The following SMC5 variants were observed in gnomAD, a reference collection of about 807,000 sequenced individuals.
SMC5 encodes the protein structural maintenance of chromosomes protein 5.
Under a neutral mutation model 148.3 loss-of-function variants are expected in SMC5, and 88 were observed. The ratio of observed to expected loss-of-function variants is 0.59; its 90% CI spans 0.50 to 0.71. The LOEUF is 0.71. SMC5 is among the 30% of genes least tolerant of loss of function. The pLI, the probability that SMC5 is intolerant of heterozygous loss-of-function variation, is 0.00. For synonymous variants in SMC5, 421 were observed against 432.8 expected (o/e 0.97, Z 0.34); for missense variants, 1,142 against 1,298.9 (o/e 0.88, Z 1.86).
chr9:70,286,310 T>A, intron 8 of SMC5, 39 bp downstream of exon 8: 1 of 1,327,504 alleles, frequency 7.5e-7, no homozygotes, highest in Non-Finnish European at 1.1e-6. Context: ...CATTAAAGTT[T>A]GCTCTAACTT....
intron 3 of SMC5, among the ~76,000 whole-genome samples, chr9:70,276,489 A>G (rs1032016190): frequency 3.9e-4 from 60 of 152,148 alleles, no homozygotes; most frequent in African/African-American, 1.1e-3. Flanking sequence ...AGGGTACTTT[A>G]TTAGTCGTTC....
intron 3 of SMC5, among the ~76,000 whole-genome samples, chr9:70,272,168 G>A (rs1231340589): frequency 6.6e-6 from 1 of 152,286 alleles, no homozygotes; most frequent in East Asian, 1.9e-4. Context: ...CAAGATATCA[G>A]GGAGGACTCC....
At chr9:70,262,769 G>A (rs931865984) in intron 1 of SMC5, among the ~76,000 whole-genome samples, 8 of 152,202 alleles carry the variant, frequency 5.3e-5, no homozygotes, top group South Asian at 2.1e-4. Context: ...GAGATACCTC[G>A]TGAAGTATAT....
At chr9:70,293,721 C>T (rs753525822) in intron 8 of SMC5, among the ~76,000 whole-genome samples, 7 of 152,074 alleles carry the variant, frequency 4.6e-5, no homozygotes, top group Non-Finnish European at 7.4e-5. Flanking sequence ...TGGTATTAGA[C>T]ATTTAGACTA....
chr9:70,259,321 G>T (rs1014024818), intron 1 of SMC5, 58 bp downstream of exon 1: 16 of 1,484,922 alleles, frequency 1.1e-5, no homozygotes, highest in Middle Eastern at 2.3e-4. Flanking sequence ...GCAGGCCCCG[G>T]GGCTCCGGCA....
At chr9:70,270,787 C>T (rs1431725893) in intron 3 of SMC5, among the ~76,000 whole-genome samples, 1 of 151,082 alleles carries the variant, frequency 6.6e-6, no homozygotes, top group African/African-American at 2.4e-5. Context: ...GCTGGTATTA[C>T]AAGCACCCAC....
At chr9:70,302,223 G>A (rs2035377541) in intron 10 of SMC5, among the ~76,000 whole-genome samples, 1 of 152,054 alleles carries the variant, frequency 6.6e-6, no homozygotes, top group Admixed American at 6.6e-5. Flanking sequence ...AAAATAGGTT[G>A]GGCACGGTGG....
At chr9:70,268,187 G>A (rs1390847271) in intron 3 of SMC5, among the ~76,000 whole-genome samples, 5 of 152,190 alleles carry the variant, frequency 3.3e-5, no homozygotes, top group East Asian at 1.9e-4. Flanking sequence ...GCTCATGCCT[G>A]TAATCTGAGC....
chr9:70,307,000 T>C (rs571929388), intron 11 of SMC5, among the ~76,000 whole-genome samples: 1 of 152,354 alleles, frequency 6.6e-6, no homozygotes, highest in African/African-American at 2.4e-5. Flanking sequence ...CAAACCTGAG[T>C]ACTACCTATA....
intron 17 of SMC5, among the ~76,000 whole-genome samples, chr9:70,325,517 G>A (rs2036055047): frequency 6.6e-6 from 1 of 152,180 alleles, no homozygotes; most frequent in African/African-American, 2.4e-5. Context: ...CAACTTTATA[G>A]ACTTCAGAAA....
rs150534035 is a variant in SMC5 at position 70,314,278 on chromosome 9, A to C, written c.1579-464A>C. 2.3e-3 allele frequency among the ~76,000 whole-genome samples: 355 copies of C among 152,280 alleles called. 2 individuals carry two copies. Among genetic ancestry groups the C allele is most frequent in the Admixed American group, 0.019 (290 of 15,292 alleles). ...AGATTGGGGAATGCCCCCAAGCCACAAGCCACATAAACACAAATCTCACCT... is the reference window on the plus strand; with the variant it reads ...AGATTGGGGAATGCCCCCAAGCCACCAGCCACATAAACACAAATCTCACCT... On this transcript the variant is annotated intron_variant, in intron 11 of 24. Transcript: ENST00000361138.
chr9:70,268,525 A>G (rs2118014024), intron 3 of SMC5, among the ~76,000 whole-genome samples: 1 of 152,000 alleles, frequency 6.6e-6, no homozygotes, highest in Middle Eastern at 3.4e-3. Context: ...AGTTTATAGC[A>G]GGTAATGAAA....
rs558303560 is a variant in SMC5 at position 70,353,374 on chromosome 9, G to T, written c.*1043G>T. 1 of 152,044 alleles carries T rather than the reference G, an allele frequency of 6.6e-6. No individual in the cohort carries two copies. Among genetic ancestry groups the T allele is most frequent in the Non-Finnish European group, 1.5e-5 (1 of 67,956 alleles). The allele number at this position is 152,044 out of a possible 1,614,324, so 9.4% of individuals were successfully genotyped here. On this transcript the variant is annotated 3_prime_UTR_variant, in exon 25 of 25. Coordinates refer to ENST00000361138, the MANE Select transcript of SMC5 (RefSeq NM_015110.4). Reference sequence around the variant, plus strand: ...TAAACTGTTTTCTTTCACCGCAAAAGAATTAAATGGGAAAATCATTTGTTT... The same window carrying T: ...TAAACTGTTTTCTTTCACCGCAAAATAATTAAATGGGAAAATCATTTGTTT...
At position 70,346,625 on chromosome 9, in the gene SMC5, T is replaced by C; in HGVS notation, c.2544T>C (p.Asn848=). Residue 848 remains asparagine (N), a synonymous_variant, in exon 19 of 25, where the codon AAT becomes AAC. Transcript: ENST00000361138. ...EYQTQVPTIP[N]GHNSSLPMVF... is the part of the protein sequence containing the mutation. ...TTCAGCAAGTACCCACCATTCCAAA[T>C]GGACACAACTCCTCACTCCCCATGG... 6.2e-7 allele frequency: 1 copy of C among 1,614,070 alleles called. No homozygotes were observed. The highest frequency in any genetic ancestry group is 1.3e-5 in the African/African-American group (1 of 75,048).
At chr9:70,333,241 G>A (rs966755317) in intron 17 of SMC5, among the ~76,000 whole-genome samples, 1 of 152,104 alleles carries the variant, frequency 6.6e-6, no homozygotes, top group South Asian at 2.1e-4. Flanking sequence ...ATTCATTGCG[G>A]CCCCACCTAC....
intron 17 of SMC5, among the ~76,000 whole-genome samples, chr9:70,336,788 C>A (rs1219869275): frequency 6.6e-6 from 1 of 152,164 alleles, no homozygotes; most frequent in African/African-American, 2.4e-5. Flanking sequence ...CAGGCAGATA[C>A]TATTAATATG....
At chr9:70,269,216 A>G (rs940549073) in intron 3 of SMC5, among the ~76,000 whole-genome samples, 1 of 152,196 alleles carries the variant, frequency 6.6e-6, no homozygotes, top group African/African-American at 2.4e-5. Flanking sequence ...AATTTTGTTG[A>G]AGAATATAAA....
At chr9:70,281,922 A>G (rs1020193822) in intron 6 of SMC5, among the ~76,000 whole-genome samples, 1 of 150,976 alleles carries the variant, frequency 6.6e-6, no homozygotes, top group African/African-American at 2.4e-5. Flanking sequence ...TCACTCTTAT[A>G]TAATGTTGCC....
Position 70,352,192 on chromosome 9 carries a change from T to C in SMC5, c.3167T>C (p.Leu1056Pro). 6.2e-7 allele frequency: 1 copy of C among 1,606,914 alleles called. No homozygotes were observed. The highest frequency in any genetic ancestry group is 8.5e-7 in the Non-Finnish European group (1 of 1,178,006). ...GACAATTTGTTTTAATACTTACAGC[T>C]CCTGCAAAATCTTCCTTATTCTGAA... ...TSQYFFITPKLLQNLPYSEKM... is the reference protein window; with the variant it reads ...TSQYFFITPKPLQNLPYSEKM... Residue 1056 changes from leucine (L) to proline (P), a missense_variant and splice_region_variant, in exon 25 of 25, where the codon CTC (leucine) becomes CCC (proline). Transcript: ENST00000361138.
Sources: gnomAD v4.1 joint callset for allele counts (sites outside exome capture counted in the v4.1 genomes callset) on GRCh38, gnomAD v4.1.1 for gene constraint, MANE v1.5 for transcripts, NCBI Gene and HGNC (gene_info 2026-07-23, HGNC 2026-07-21) for gene names.